KCNK2: variants seen among roughly 807,000 people sequenced by gnomAD.
KCNK2 encodes potassium two pore domain channel subfamily K member 2, also known as potassium channel subfamily K member 2.
Under a neutral mutation model 40.5 loss-of-function variants are expected in KCNK2, and 21 were observed. The ratio of observed to expected loss-of-function variants is 0.52; its 90% confidence interval spans 0.37 to 0.75. The LOEUF (loss-of-function observed/expected upper bound fraction) is 0.75. Ranked by LOEUF, KCNK2 falls within the 30% of genes least tolerant of loss-of-function variation. KCNK2 has a pLI of 0.00. For missense variants in KCNK2, 399 were observed against 531.6 expected (o/e 0.75, Z 2.45); for synonymous variants, 191 against 202.2 (o/e 0.94, Z 0.47).
chr1:215,202,144 C>A (rs557850219), intron 6 of KCNK2, among the ~76,000 whole-genome samples: 18 of 152,258 alleles, frequency 1.2e-4, no homozygotes, highest in Admixed American at 1.2e-3. Context: ...TGTAACTCTT[C>A]TTTGACCAAA....
intron 1 of KCNK2, among the ~76,000 whole-genome samples, chr1:215,055,668 C>T (rs1183529177): frequency 6.6e-6 from 1 of 152,180 alleles, no homozygotes. Context: ...CCATGCTTTC[C>T]TCCCACCCTC....
At chr1:215,225,938 A>T (rs911255283) in intron 6 of KCNK2, among the ~76,000 whole-genome samples, 4 of 152,328 alleles carry the variant, frequency 2.6e-5, no homozygotes, top group African/African-American at 9.6e-5. Context: ...GTGGTTATAA[A>T]TGAGCTTACT....
intron 5 of KCNK2, among the ~76,000 whole-genome samples, chr1:215,187,597 T>C (rs1456578172): frequency 2.0e-5 from 3 of 151,730 alleles, no homozygotes; most frequent in Non-Finnish European, 2.9e-5. Context: ...AAAAGTGAAA[T>C]AATTACCCAA....
chr1:215,209,473 ATATTAT>A (rs1455194238), intron 6 of KCNK2, among the ~76,000 whole-genome samples: 4 of 21,960 alleles, frequency 1.8e-4, no homozygotes, highest in Admixed American at 4.4e-4. Context: ...TATATAATAT[ATATTAT>A]ATATAATACA....
intron 1 of KCNK2, among the ~76,000 whole-genome samples, chr1:215,074,325 A>G (rs1257030735): frequency 6.6e-6 from 1 of 152,218 alleles, no homozygotes; most frequent in East Asian, 1.9e-4. Context: ...ATTAGATTCC[A>G]TATATATAGG....
chr1:215,150,513 T>C (rs1392256363), intron 3 of KCNK2, among the ~76,000 whole-genome samples: 1 of 152,162 alleles, frequency 6.6e-6, no homozygotes, highest in Non-Finnish European at 1.5e-5. Context: ...TTCTGTTCTT[T>C]TCTGCTTCAT....
intron 4 of KCNK2, among the ~76,000 whole-genome samples, chr1:215,169,571 A>G (rs1259916222): frequency 6.6e-6 from 1 of 152,112 alleles, no homozygotes; most frequent in Admixed American, 6.6e-5. Context: ...AAAAACTCAA[A>G]AGTATAAACA....
intron 6 of KCNK2, among the ~76,000 whole-genome samples, chr1:215,209,463 T>TATATTATATATATTATATATA (rs1665510842): frequency 3.8e-4 from 2 of 5,248 alleles, no homozygotes; most frequent in East Asian, 0.12. Context: ...TTATATATTA[T>TATATTATATATATTATATATA]ATATAATATA....
chr1:215,083,198 C>CT lies in KCNK2; in HGVS notation c.-188_-187insT. 3.3e-6 allele frequency: 2 copies of CT among 603,080 alleles called. No homozygotes were observed. The highest frequency in any genetic ancestry group is 2.0e-5 in the African/African-American group (1 of 49,482). The allele number at this position is 603,080 out of a possible 1,614,324, so 37.4% of individuals were successfully genotyped here. A position where few individuals can be genotyped will look rare whatever the true frequency, so the allele number is the denominator to read the frequency against. On this transcript the variant is annotated 5_prime_UTR_variant, in exon 1 of 7. Coordinates refer to ENST00000444842, the MANE Select transcript of KCNK2 (RefSeq NM_001017425.3). ...CGATTTCGTTTCTTCTCACGCTCCCCCCCCCGCCCCCTCCCGCGTCCAGCC... is the reference window on the plus strand; with the variant it reads ...CGATTTCGTTTCTTCTCACGCTCCCCTCCCCCGCCCCCTCCCGCGTCCAGCC...
chr1:215,157,464 T>A (rs908421698), intron 3 of KCNK2, among the ~76,000 whole-genome samples: 1 of 152,174 alleles, frequency 6.6e-6, no homozygotes, highest in Non-Finnish European at 1.5e-5. Flanking sequence ...TAATCTGCAA[T>A]CTTCTCTATT....
intron 3 of KCNK2, among the ~76,000 whole-genome samples, chr1:215,153,319 C>T (rs1362729975): frequency 6.6e-6 from 1 of 152,062 alleles, no homozygotes; most frequent in African/African-American, 2.4e-5. Context: ...TCTTAAGTCA[C>T]GATCCAAGGT....
At chr1:215,063,240 T>A (rs1658421486) in intron 1 of KCNK2, among the ~76,000 whole-genome samples, 1 of 152,210 alleles carries the variant, frequency 6.6e-6, no homozygotes. Flanking sequence ...GAACATTCTA[T>A]TTCTTGCCAG....
intron 6 of KCNK2, among the ~76,000 whole-genome samples, chr1:215,210,248 CTT>C (rs1259193978): frequency 1.3e-5 from 2 of 150,816 alleles, no homozygotes; most frequent in African/African-American, 4.9e-5. Flanking sequence ...TTCTACCACA[CTT>C]TGAGAACCTG....
intron 1 of KCNK2, among the ~76,000 whole-genome samples, chr1:215,039,687 A>AT (rs1348871223): frequency 4.6e-5 from 7 of 152,070 alleles, no homozygotes; most frequent in African/African-American, 1.7e-4. Context: ...CGATTTAAAT[A>AT]TTTTTTCTCT....
intron 3 of KCNK2, among the ~76,000 whole-genome samples, chr1:215,126,212 TTATG>T (rs1661430699): frequency 1.3e-5 from 2 of 152,212 alleles, no homozygotes; most frequent in Non-Finnish European, 2.9e-5. Context: ...TGTTCTATTG[TTATG>T]AGTCCACTAT....
At chr1:215,140,639 A>T (rs996025350) in intron 3 of KCNK2, among the ~76,000 whole-genome samples, 3 of 152,276 alleles carry the variant, frequency 2.0e-5, no homozygotes, top group East Asian at 3.9e-4. Context: ...AAGATTTTTT[A>T]AAAATAGTAC....
In KCNK2 at chr1:215,016,494, A is replaced by G. The variant is rs1656591607; in HGVS notation, c.34+10539A>G. On this transcript the variant is annotated intron_variant, in intron 1 of 6. Coordinates refer to the KCNK2 transcript ENST00000391895. ...GATTTTTGACAGATGCCAAGAACAC[A>G]CAATAAGGAAAGGGCCAGTTACTTT... 2.6e-5 allele frequency among the ~76,000 whole-genome samples: 4 copies of G among 152,166 alleles called. No individual in the cohort carries two copies. In the South Asian group the frequency reaches 6.2e-4, roughly 24 times the overall value.
intron 2 of KCNK2, among the ~76,000 whole-genome samples, chr1:215,093,777 TTATATATTATATATTATATAATATAA>T (rs1659831238): frequency 1.4e-4 from 2 of 14,476 alleles, no homozygotes; most frequent in East Asian, 1.6e-3. Context: ...ATAAAATATA[TTATATATTATATATTATATAATATAA>T]AATATATTAT....
At chr1:215,171,934 CTCTCTCT>C in intron 4 of KCNK2, 56 bp from the exon 5 acceptor site, 6 of 1,129,076 alleles carry the variant, frequency 5.3e-6, no homozygotes, top group African/African-American at 3.2e-5. Flanking sequence ...CTCTCTCTCT[CTCTCTCT>C]CCCCCCATTT....
Sources: gnomAD v4.1 joint callset for allele counts (sites outside exome capture counted in the v4.1 genomes callset) on GRCh38, gnomAD v4.1.1 for gene constraint, MANE v1.5 for transcripts, NCBI Gene and HGNC (gene_info 2026-07-23, HGNC 2026-07-21) for gene names.